The following MARCHF4 variants were observed in gnomAD, a reference collection of about 807,000 sequenced individuals.
The protein encoded by MARCHF4 is membrane associated ring-CH-type finger 4, also known as E3 ubiquitin-protein ligase MARCHF4.
MARCHF4 carries 14 observed loss-of-function variants against 43.9 expected under a neutral mutation model. That is an observed-to-expected ratio of 0.32 (90% CI 0.21 to 0.50). The LOEUF (loss-of-function observed/expected upper bound fraction) is 0.50. MARCHF4 is among the 20% of genes least tolerant of loss of function. MARCHF4 has a pLI of 0.98. For synonymous variants in MARCHF4, 226 were observed against 213.3 expected, an observed-to-expected ratio of 1.06 and a Z score of -0.52; for missense variants, 468 against 536.7, an observed-to-expected ratio of 0.87 and a Z score of 1.27.
intron 1 of MARCHF4, among the ~76,000 whole-genome samples, chr2:216,360,045 A>G (rs1408968861): frequency 6.6e-6 from 1 of 152,130 alleles, no homozygotes; most frequent in Admixed American, 6.6e-5. Flanking sequence ...GTATTCCTGA[A>G]GTAATCACCT....
At position 216,277,684 on chromosome 2, in the gene MARCHF4, C is replaced by T. The variant is rs563978288; in HGVS notation, c.853G>A (p.Val285Met). ...ICYGMYGFMD[V>M]VCIGLIIHEG... ...CCCCCAGACCCACCTATGCACACCA[C>T]GTCCATGAAGCCATACATCCCGTAG... is the stretch of plus-strand genomic sequence containing the variant. The change falls in exon 3 of 4, where the codon GTG (valine) becomes ATG (methionine). Residue 285 changes from valine (V) to methionine (M), a missense_variant. By Grantham distance (21) the Val-to-Met change is conservative. This residue lies in a region of MARCHF4 where 158 missense variants were observed against 251.1 expected (regional missense o/e 0.63). Coordinates refer to ENST00000273067, the MANE Select transcript of MARCHF4 (RefSeq NM_020814.3). The T allele has an allele frequency of 1.8e-5, 29 of 1,610,824 alleles. No homozygotes were observed. Among genetic ancestry groups the T allele is most frequent in the Admixed American group, 6.7e-5 (4 of 59,922 alleles).
intron 3 of MARCHF4, among the ~76,000 whole-genome samples, chr2:216,273,618 T>C (rs773241609): frequency 1.3e-5 from 2 of 152,212 alleles, no homozygotes; most frequent in Non-Finnish European, 2.9e-5. Flanking sequence ...TCACATTCTC[T>C]TCTTCCACTC....
chr2:216,339,103 G>C (rs1331505998), intron 1 of MARCHF4, among the ~76,000 whole-genome samples: 1 of 152,140 alleles, frequency 6.6e-6, no homozygotes, highest in Non-Finnish European at 1.5e-5. Flanking sequence ...AAAAAGGCAA[G>C]GGGAGCCTTG....
At position 216,356,749 on chromosome 2, in the gene MARCHF4, G is replaced by A. The variant is rs139615377; in HGVS notation, c.516+12996C>T. On this transcript the variant is annotated intron_variant, in intron 1 of 3. Transcript: ENST00000273067. ...TAAAAATTATAAAAATAGGCCGGGC[G>A]TAGTGGCTCACTTCTGTAATCCCAG... Among the ~76,000 whole-genome samples, 1,267 of 152,188 alleles carry A rather than the reference G, an allele frequency of 8.3e-3. 21 individuals carry two copies. Among genetic ancestry groups the A allele is most frequent in the African/African-American group, 0.029 (1,195 of 41,518 alleles).
intron 1 of MARCHF4, among the ~76,000 whole-genome samples, chr2:216,357,969 CCAAGGCAGAAATTTT>C (rs1692525306): frequency 6.6e-6 from 1 of 152,174 alleles, no homozygotes; most frequent in Non-Finnish European, 1.5e-5. Context: ...CATACACAGT[CCAAGGCAGAAATTTT>C]CAAAGTTTGA....
intron 1 of MARCHF4, among the ~76,000 whole-genome samples, chr2:216,344,385 C>T (rs1196422177): frequency 6.6e-6 from 1 of 152,082 alleles, no homozygotes; most frequent in Admixed American, 6.5e-5. Context: ...GGCTGCCTCT[C>T]GTAGAATTGA....
At chr2:216,287,837 CT>C (rs997060236) in intron 1 of MARCHF4, among the ~76,000 whole-genome samples, 13 of 152,030 alleles carry the variant, frequency 8.6e-5, no homozygotes, top group African/African-American at 3.1e-4. Flanking sequence ...GAAACAGCCG[CT>C]TTGTTTTTGA....
chr2:216,300,061 G>A (rs1691462110), intron 1 of MARCHF4, among the ~76,000 whole-genome samples: 1 of 152,176 alleles, frequency 6.6e-6, no homozygotes, highest in Admixed American at 6.5e-5. Context: ...CCCAAAGAAA[G>A]TGGCTATAGG....
intron 1 of MARCHF4, among the ~76,000 whole-genome samples, chr2:216,319,745 A>G (rs1445930436): frequency 2.6e-5 from 4 of 152,166 alleles, no homozygotes; most frequent in Non-Finnish European, 5.9e-5. Context: ...AGGATTGAAT[A>G]AGGAAATCTA....
intron 3 of MARCHF4, among the ~76,000 whole-genome samples, chr2:216,271,722 C>A (rs1051631050): frequency 2.0e-5 from 3 of 152,250 alleles, no homozygotes; most frequent in South Asian, 4.1e-4. Flanking sequence ...CCCTCCCCAA[C>A]AAGAAGAAAG....
chr2:216,346,899 G>T (rs1168980769), intron 1 of MARCHF4, among the ~76,000 whole-genome samples: 1 of 152,180 alleles, frequency 6.6e-6, no homozygotes, highest in Admixed American at 6.5e-5. Flanking sequence ...CCTGGAGGGA[G>T]GTGATTAGAT....
At chr2:216,308,971 A>T (rs1691635036) in intron 1 of MARCHF4, among the ~76,000 whole-genome samples, 1 of 152,188 alleles carries the variant, frequency 6.6e-6, no homozygotes, top group African/African-American at 2.4e-5. Context: ...GGCAGAAGCA[A>T]AGTACTTGGA....
intron 3 of MARCHF4, among the ~76,000 whole-genome samples, chr2:216,264,298 A>G (rs542046325): frequency 6.6e-6 from 1 of 152,130 alleles, no homozygotes; most frequent in African/African-American, 2.4e-5. Flanking sequence ...GAAAACAGAC[A>G]CTCAAACTGT....
At chr2:216,269,931 C>T (rs576377013) in intron 3 of MARCHF4, among the ~76,000 whole-genome samples, 14 of 152,232 alleles carry the variant, frequency 9.2e-5, no homozygotes, top group African/African-American at 3.4e-4. Context: ...GTTAGTGTCC[C>T]CTAGTCCTCT....
At chr2:216,336,777 A>T (rs1486851366) in intron 1 of MARCHF4, among the ~76,000 whole-genome samples, 2 of 148,462 alleles carry the variant, frequency 1.3e-5, no homozygotes, top group African/African-American at 5.0e-5. Flanking sequence ...AGCTTTCTGG[A>T]AAGCAATTTG....
At chr2:216,360,480 G>A (rs1246299159) in intron 1 of MARCHF4, among the ~76,000 whole-genome samples, 1 of 151,902 alleles carries the variant, frequency 6.6e-6, no homozygotes, top group Non-Finnish European at 1.5e-5. Context: ...GAGACATGGA[G>A]GAAGTTTAAA....
intron 1 of MARCHF4, among the ~76,000 whole-genome samples, chr2:216,338,169 G>A (rs1264825988): frequency 6.6e-6 from 1 of 152,082 alleles, no homozygotes; most frequent in Non-Finnish European, 1.5e-5. Flanking sequence ...ATCATACCAA[G>A]CATCCTCTCC....
At chr2:216,349,121 A>G (rs531480230) in intron 1 of MARCHF4, among the ~76,000 whole-genome samples, 121 of 152,210 alleles carry the variant, frequency 7.9e-4, no homozygotes, top group Middle Eastern at 3.4e-3. Context: ...GCAATTAGTC[A>G]TTGTTCAGTG....
chr2:216,307,940 C>T (rs1236011857), intron 1 of MARCHF4, among the ~76,000 whole-genome samples: 1 of 152,228 alleles, frequency 6.6e-6, no homozygotes, highest in Middle Eastern at 3.4e-3. Context: ...TCTATAGTCC[C>T]AGCTGTCCAG....
Sources: allele counts gnomAD v4.1 joint callset (sites outside exome capture counted in the v4.1 genomes callset), GRCh38; gene constraint gnomAD v4.1.1; regional missense constraint gnomAD v4.1.1; transcripts MANE v1.5; gene names NCBI Gene and HGNC (gene_info 2026-07-23, HGNC 2026-07-21).